The following PALS1 variants were observed in gnomAD, a reference collection of about 807,000 sequenced individuals.
The protein encoded by PALS1 is protein associated with LIN7 1, MAGUK p55 family member, also known as protein PALS1.
In PALS1, 31 loss-of-function variants were observed where a neutral mutation model predicts 78.9. The ratio of observed to expected loss-of-function variants is 0.39; its 90% CI spans 0.30 to 0.53. PALS1 has a LOEUF of 0.53. Ranked by LOEUF, PALS1 falls within the 20% of genes least tolerant of loss-of-function variation. The pLI is 0.67. For synonymous variants in PALS1, 276 were observed against 270.9 expected, an observed-to-expected ratio of 1.02 and a Z score of -0.18; for missense variants, 704 against 826.5, an observed-to-expected ratio of 0.85 and a Z score of 1.82.
At chr14:67,282,113 T>G (rs1350671455) in intron 3 of PALS1, among the ~76,000 whole-genome samples, 1 of 152,186 alleles carries the variant, frequency 6.6e-6, no homozygotes, top group Non-Finnish European at 1.5e-5. Context: ...CATGAGAAAT[T>G]AGCATAAGGT....
At chr14:67,270,714 TATA>T (rs767544386) in intron 2 of PALS1, 3 of 152,164 alleles carry the variant, frequency 2.0e-5, no homozygotes, top group Non-Finnish European at 4.4e-5. Context: ...GCTTAAAAAT[TATA>T]ATCTTAATGC....
intron 8 of PALS1, among the ~76,000 whole-genome samples, chr14:67,305,711 T>C (rs2084992890): frequency 6.6e-6 from 1 of 152,244 alleles, no homozygotes. Flanking sequence ...TCTCGTTGTA[T>C]GCAAAACAGA....
At chr14:67,329,315 G>T (rs1007489639) in intron 14 of PALS1, among the ~76,000 whole-genome samples, 13 of 152,278 alleles carry the variant, frequency 8.5e-5, no homozygotes, top group African/African-American at 3.1e-4. Context: ...TGTGATTTCT[G>T]CACATTGATT....
chr14:67,296,149 T>G (rs571143356), intron 4 of PALS1, among the ~76,000 whole-genome samples: 3 of 151,856 alleles, frequency 2.0e-5, no homozygotes, highest in Admixed American at 2.0e-4. Flanking sequence ...AGAAGGAAAT[T>G]TAATTTGCTG....
chr14:67,257,737 T>G (rs1226078381), intron 1 of PALS1, among the ~76,000 whole-genome samples: 1 of 152,148 alleles, frequency 6.6e-6, no homozygotes, highest in African/African-American at 2.4e-5. Context: ...AAGAAGAAAC[T>G]GAGAGTTAAA....
At chr14:67,314,549 C>G (rs2085140155) in intron 9 of PALS1, among the ~76,000 whole-genome samples, 1 of 152,180 alleles carries the variant, frequency 6.6e-6, no homozygotes, top group African/African-American at 2.4e-5. Context: ...GGACATTTCT[C>G]TAGAATCTTG....
intron 1 of PALS1, among the ~76,000 whole-genome samples, chr14:67,251,588 T>C (rs2084063707): frequency 6.6e-6 from 1 of 152,068 alleles, no homozygotes; most frequent in East Asian, 1.9e-4. Context: ...CTGTAAATTG[T>C]AAATAAGCTC....
intron 1 of PALS1, among the ~76,000 whole-genome samples, chr14:67,255,548 A>G (rs558818183): frequency 2.0e-5 from 3 of 152,350 alleles, no homozygotes; most frequent in African/African-American, 7.2e-5. Context: ...TAATGATTGC[A>G]TAAGTGATTT....
intron 1 of PALS1, among the ~76,000 whole-genome samples, chr14:67,259,208 TAC>T (rs2140493065): frequency 6.6e-6 from 1 of 151,536 alleles, no homozygotes; most frequent in East Asian, 1.9e-4. Context: ...ATATAACATA[TAC>T]ACATGCCCGA....
intron 4 of PALS1, among the ~76,000 whole-genome samples, chr14:67,295,397 G>C (rs2084833085): frequency 6.6e-6 from 1 of 151,836 alleles, no homozygotes. Context: ...GGCTGAGGCA[G>C]GAGAATCACT....
At chr14:67,289,547 A>G (rs1390800803) in intron 3 of PALS1, among the ~76,000 whole-genome samples, 3 of 152,118 alleles carry the variant, frequency 2.0e-5, no homozygotes, top group African/African-American at 7.2e-5. Flanking sequence ...AAGGAAGACT[A>G]AATATATATA....
chr14:67,267,848 C>T (rs887586524), intron 1 of PALS1, among the ~76,000 whole-genome samples: 61 of 152,170 alleles, frequency 4.0e-4, no homozygotes, highest in African/African-American at 1.4e-3. Flanking sequence ...GAATCATACT[C>T]GTGTCTGGCA....
At chr14:67,322,068 A>G (rs1254025537) in intron 13 of PALS1, among the ~76,000 whole-genome samples, 1 of 152,186 alleles carries the variant, frequency 6.6e-6, no homozygotes, top group African/African-American at 2.4e-5. Context: ...ATTACTAACT[A>G]GTGCCTCTTA....
rs113487305 is a variant in PALS1 at position 67,278,341 on chromosome 14, C to T, written c.-153-677C>T. 8.3e-3 allele frequency among the ~76,000 whole-genome samples: 1,143 copies of T among 138,276 alleles called. 14 individuals carry two copies. Among genetic ancestry groups the T allele is most frequent in the African/African-American group, 0.027 (1,028 of 38,396 alleles). 90.7% of individuals were successfully genotyped at this position (138,276 alleles called of 152,430 possible). On this transcript the variant is annotated intron_variant, in intron 2 of 14. Transcript: ENST00000261681. ...GTGAGCCACTGCACCCGGCCCAATT[C>T]TTTTTTTTTTTTTTTAATGGGACCA...
intron 3 of PALS1, among the ~76,000 whole-genome samples, chr14:67,287,525 G>C (rs1246503862): frequency 6.6e-6 from 1 of 152,146 alleles, no homozygotes. Context: ...TATCATACCA[G>C]ATCCCAAAAA....
At chr14:67,328,278 T>G (rs1023909341) in intron 14 of PALS1, among the ~76,000 whole-genome samples, 5 of 152,272 alleles carry the variant, frequency 3.3e-5, no homozygotes, top group African/African-American at 9.6e-5. Flanking sequence ...CATGAATGTC[T>G]TCTTTTGAGA....
intron 3 of PALS1, 98 bp from the exon 4 acceptor site, chr14:67,292,413 C>A: frequency 2.4e-6 from 2 of 817,198 alleles, no homozygotes; most frequent in Admixed American, 2.7e-5. Flanking sequence ...TTTCTGAAAA[C>A]TTAAATTGTT....
chr14:67,317,310 A>G, intron 10 of PALS1, 98 bp from the exon 11 acceptor site: 1 of 1,119,746 alleles, frequency 8.9e-7, no homozygotes, highest in Non-Finnish European at 1.3e-6. Context: ...AAAAAAATTT[A>G]AAGAATAAAT....
chr14:67,247,052 A>G (rs4274366), intron 1 of PALS1, among the ~76,000 whole-genome samples: 1 of 152,160 alleles, frequency 6.6e-6, no homozygotes, highest in Non-Finnish European at 1.5e-5. Context: ...TGCTTTCTGT[A>G]TGATATTTAG....
Sources: allele counts gnomAD v4.1 joint callset (sites outside exome capture counted in the v4.1 genomes callset), GRCh38; gene constraint gnomAD v4.1.1; transcripts MANE v1.5; gene names NCBI Gene and HGNC (gene_info 2026-07-23, HGNC 2026-07-21).